LRRC20: variants seen among roughly 807,000 people sequenced by gnomAD.
LRRC20 encodes the protein leucine rich repeat containing 20, also known as leucine-rich repeat-containing protein 20.
In LRRC20, 11 loss-of-function variants were observed where a neutral mutation model predicts 14.4. That is an observed-to-expected ratio of 0.77 (90% confidence interval 0.48 to 1.27). LRRC20 has a LOEUF of 1.27. Among genes scored for constraint, LRRC20 ranks in the 50% most tolerant of loss-of-function variants. LRRC20 has a pLI of 0.00. For synonymous variants in LRRC20, 121 were observed against 107.3 expected (o/e 1.13, Z -0.79); for missense variants, 219 against 251.2 (o/e 0.87, Z 0.87).
At chr10:70,371,876 G>A (rs1461293673) in intron 2 of LRRC20, among the ~76,000 whole-genome samples, 1 of 152,066 alleles carries the variant, frequency 6.6e-6, no homozygotes, top group Non-Finnish European at 1.5e-5. Context: ...CTCGCCTCGA[G>A]TTACAGGAGG....
intron 3 of LRRC20, among the ~76,000 whole-genome samples, chr10:70,332,254 C>T (rs961926902): frequency 3.9e-5 from 6 of 152,234 alleles, no homozygotes; most frequent in African/African-American, 1.4e-4. Flanking sequence ...GCCACACTCA[C>T]TCCTTGGGGG....
rs188141875 is a variant in LRRC20 at position 70,372,684 on chromosome 10, C to T, written c.82+3768G>A. On this transcript the variant is annotated intron_variant, in intron 2 of 4. Coordinates refer to ENST00000446961, the MANE Select transcript of LRRC20 (RefSeq NM_001278212.2). ...GTTTCGATCTCCTGACCTTGTGATCCGCCCGCCTCGGCCACCCAAAGTGCT... is the reference window on the plus strand; with the variant it reads ...GTTTCGATCTCCTGACCTTGTGATCTGCCCGCCTCGGCCACCCAAAGTGCT... 6.6e-3 allele frequency among the ~76,000 whole-genome samples: 1,010 copies of T among 152,020 alleles called. 5 individuals carry two copies. The highest frequency in any genetic ancestry group is 0.012 in the Admixed American group (180 of 15,262).
rs1219672154 is a variant in LRRC20, at chr10:70,300,305, C to T, written c.*1049G>A. 3.2e-6 allele frequency: 3 copies of T among 950,502 alleles called. No individual in the cohort carries two copies. The highest frequency in any genetic ancestry group is 1.2e-4 in the East Asian group (1 of 8,652). The allele number at this position is 950,502 out of a possible 1,614,324, so 58.9% of individuals were successfully genotyped here. A position where few individuals can be genotyped will look rare whatever the true frequency, so the allele number is the denominator to read the frequency against. ...TGTCCCAGTTTTAGCATTGAAAGTT[C>T]CATGTCCTGGGAAACCAGGACAGCT... On this transcript the variant is annotated 3_prime_UTR_variant, in exon 5 of 5. Coordinates refer to ENST00000446961, the MANE Select transcript of LRRC20 (RefSeq NM_001278212.2).
At chr10:70,339,919 G>A (rs1842851327) in intron 3 of LRRC20, among the ~76,000 whole-genome samples, 1 of 152,020 alleles carries the variant, frequency 6.6e-6, no homozygotes, top group Admixed American at 6.6e-5. Flanking sequence ...TCAGGAGTTT[G>A]AGACCAGCTT....
chr10:70,348,023 T>G (rs1252159215), intron 2 of LRRC20, among the ~76,000 whole-genome samples: 1 of 152,182 alleles, frequency 6.6e-6, no homozygotes. Flanking sequence ...GGTACTGATC[T>G]GCACAGTATC....
intron 2 of LRRC20, among the ~76,000 whole-genome samples, chr10:70,358,134 C>A (rs1843598818): frequency 6.6e-6 from 1 of 152,214 alleles, no homozygotes; most frequent in Non-Finnish European, 1.5e-5. Context: ...CTGCTGCTGC[C>A]TTTAACCCAG....
intron 2 of LRRC20, among the ~76,000 whole-genome samples, chr10:70,341,599 C>G (rs940396834): frequency 6.6e-6 from 1 of 152,042 alleles, no homozygotes; most frequent in Non-Finnish European, 1.5e-5. Flanking sequence ...GAAATCCTAT[C>G]TCTACTAAAA....
chr10:70,339,146 T>C (rs1842821080), intron 3 of LRRC20, among the ~76,000 whole-genome samples: 1 of 152,200 alleles, frequency 6.6e-6, no homozygotes, highest in South Asian at 2.1e-4. Flanking sequence ...AGAAAGTCTG[T>C]GTGAAATGCC....
chr10:70,337,457 A>G (rs184814145), intron 3 of LRRC20, among the ~76,000 whole-genome samples: 37 of 152,350 alleles, frequency 2.4e-4, no homozygotes, highest in African/African-American at 8.7e-4. Context: ...GTCAGGAGCC[A>G]CTGGCAGCAG....
chr10:70,322,498 C>T (rs890698428), intron 4 of LRRC20, among the ~76,000 whole-genome samples: 4 of 152,192 alleles, frequency 2.6e-5, no homozygotes, highest in Admixed American at 6.5e-5. Context: ...GGGAGAGCCG[C>T]GCAGGCCAAG....
chr10:70,339,001 G>C (rs1406162748), intron 3 of LRRC20, among the ~76,000 whole-genome samples: 1 of 151,820 alleles, frequency 6.6e-6, no homozygotes, highest in Admixed American at 6.6e-5. Context: ...TATATACGTA[G>C]GAGGGGAGTG....
chr10:70,367,255 C>A lies in LRRC20; in HGVS notation c.82+9197G>T, dbSNP rs987858640. On this transcript the variant is annotated intron_variant, in intron 2 of 4. Transcript: ENST00000446961. ...TGGGAGGACGCTTGAGCCCAGGGGG[C>A]GGAGGCTGCAGTGAGCCAAGATCAT... is the stretch of plus-strand genomic sequence containing the variant. Among the ~76,000 whole-genome samples, 11 of 139,328 alleles carry A rather than the reference C, an allele frequency of 7.9e-5. No homozygotes were observed. The East Asian group carries it at 2.2e-3, about 28-fold the overall frequency. 91.4% of individuals were successfully genotyped at this position (139,328 alleles called of 152,430 possible).
At chr10:70,349,259 G>A (rs955665908) in intron 2 of LRRC20, among the ~76,000 whole-genome samples, 1 of 152,228 alleles carries the variant, frequency 6.6e-6, no homozygotes, top group African/African-American at 2.4e-5. Context: ...GGCCAAGCTG[G>A]TGATCTCAAA....
At chr10:70,357,741 C>G (rs1047451207) in intron 2 of LRRC20, among the ~76,000 whole-genome samples, 5 of 152,208 alleles carry the variant, frequency 3.3e-5, no homozygotes, top group Admixed American at 2.0e-4. Flanking sequence ...ACACAGAATA[C>G]AATCAAATGA....
intron 1 of LRRC20, among the ~76,000 whole-genome samples, chr10:70,378,488 CA>C (rs72190981): frequency 0.058 from 7,576 of 131,060 alleles, 252 homozygotes; most frequent in South Asian, 0.15. Context: ...ACTAAAAATA[CA>C]AAAAAAAAAA....
In LRRC20 at chr10:70,311,222, A is replaced by ATTTTTTTTTTT. The variant is rs11314061; in HGVS notation, c.401-9725_401-9715dup. Among the ~76,000 whole-genome samples, 383 of 86,320 alleles carry ATTTTTTTTTTT rather than the reference A, an allele frequency of 4.4e-3. 15 individuals carry two copies. Among genetic ancestry groups the ATTTTTTTTTTT allele is most frequent in the South Asian group, 7.3e-3 (16 of 2,198 alleles). 56.6% of individuals were successfully genotyped at this position (86,320 alleles called of 152,430 possible). A position where few individuals can be genotyped will look rare whatever the true frequency, so the allele number is the denominator to read the frequency against. On this transcript the variant is annotated intron_variant, in intron 4 of 4. Coordinates refer to ENST00000446961, the MANE Select transcript of LRRC20 (RefSeq NM_001278212.2). ...ACATCCAGGTTGTTTTCAACATTCCATTTTTTTTTTTTTTTTTTTTTTTTG... is the reference window on the plus strand; with the variant it reads ...ACATCCAGGTTGTTTTCAACATTCCATTTTTTTTTTTTTTTTTTTTTTTTTTTTTTTTTTTG...
chr10:70,366,374 G>C (rs775636274), intron 2 of LRRC20, among the ~76,000 whole-genome samples: 1 of 151,960 alleles, frequency 6.6e-6, no homozygotes, highest in Admixed American at 6.6e-5. Flanking sequence ...AGTGAGCTGA[G>C]ATTGTGCCAC....
chr10:70,364,953 T>C (rs1053618602), intron 2 of LRRC20, among the ~76,000 whole-genome samples: 2 of 151,694 alleles, frequency 1.3e-5, no homozygotes, highest in Non-Finnish European at 2.9e-5. Flanking sequence ...AAGCTCCAAA[T>C]TGCAAACAGT....
rs541974651 is a variant in LRRC20 at position 70,310,824 on chromosome 10, C to A, written c.401-9316G>T. 9.2e-5 allele frequency among the ~76,000 whole-genome samples: 14 copies of A among 152,332 alleles called. 1 individual carries two copies. In the South Asian group the frequency reaches 2.7e-3, roughly 29 times the overall value. On this transcript the variant is annotated intron_variant, in intron 4 of 4. Coordinates refer to ENST00000446961, the MANE Select transcript of LRRC20 (RefSeq NM_001278212.2). ...TTCTGTGCACATTTGCCAGTCAGGG[C>A]CAGGCCTCTGTGGACCAACGCTATG...
Sources: gnomAD v4.1 joint callset for allele counts (sites outside exome capture counted in the v4.1 genomes callset) on GRCh38, gnomAD v4.1.1 for gene constraint, MANE v1.5 for transcripts, NCBI Gene and HGNC (gene_info 2026-07-23, HGNC 2026-07-21) for gene names.